The following CFAP70 variants were observed in gnomAD, a reference collection of about 807,000 sequenced individuals.
CFAP70 encodes the protein cilia and flagella associated protein 70.
In CFAP70, 81 loss-of-function variants were observed where a neutral mutation model predicts 137.6. The observed-to-expected ratio is 0.59, with a 90% CI of 0.49 to 0.71. The LOEUF (loss-of-function observed/expected upper bound fraction) is 0.71. Ranked by LOEUF, CFAP70 falls within the 30% of genes least tolerant of loss-of-function variation. The probability of loss-of-function intolerance (pLI) is 0.00; values close to 1 mark genes in which losing one functional copy is unlikely to be tolerated. For synonymous variants in CFAP70, 382 were observed against 423.6 expected (o/e 0.90, Z 1.20); for missense variants, 976 against 1,226.7 (o/e 0.80, Z 3.05).
intron 3 of CFAP70, among the ~76,000 whole-genome samples, chr10:73,351,077 A>ATATATATATG (rs2054214600): frequency 1.7e-5 from 1 of 57,616 alleles, no homozygotes; most frequent in Non-Finnish European, 2.7e-5. Context: ...GTGTGTATAT[A>ATATATATATG]TATATATATA....
chr10:73,299,850 A>G (rs1391839781), intron 12 of CFAP70, among the ~76,000 whole-genome samples, 185 bp from the exon 14 acceptor site: 3 of 152,178 alleles, frequency 2.0e-5, no homozygotes, highest in Admixed American at 1.3e-4. Context: ...AGCAAAGTAT[A>G]TGGCTACGGA....
At chr10:73,338,775 G>T (rs964497180) in intron 6 of CFAP70, among the ~76,000 whole-genome samples, 31 of 151,880 alleles carry the variant, frequency 2.0e-4, no homozygotes, top group Non-Finnish European at 4.4e-5. Context: ...TACAGTATTT[G>T]TGGGATGTAA....
chr10:73,355,375 G>A (rs982367556), intron 1 of CFAP70, among the ~76,000 whole-genome samples: 2 of 152,148 alleles, frequency 1.3e-5, no homozygotes, highest in Admixed American at 6.5e-5. Context: ...TATAAGAATC[G>A]AATGCCTGAT....
chr10:73,288,597 C>T (rs2047925586), intron 19 of CFAP70, among the ~76,000 whole-genome samples: 1 of 152,110 alleles, frequency 6.6e-6, no homozygotes, highest in Admixed American at 6.5e-5. Context: ...TATTTCTTCA[C>T]CAAAGAGAGC....
chr10:73,347,131 G>A (rs1227526214), intron 4 of CFAP70: 1 of 152,188 alleles, frequency 6.6e-6, no homozygotes, highest in African/African-American at 2.4e-5. Flanking sequence ...TCAGGATTCT[G>A]GAACTTGAAG....
intron 1 of CFAP70, among the ~76,000 whole-genome samples, chr10:73,358,074 T>C (rs1030736935): frequency 6.6e-6 from 1 of 152,266 alleles, no homozygotes. Flanking sequence ...TTCACATTTA[T>C]TGTGAATATC....
In CFAP70 at chr10:73,348,605, A is replaced by G. The variant is rs2053927694; in HGVS notation, c.251-84T>C. 6.8e-6 allele frequency: 6 copies of G among 883,994 alleles called. No homozygotes were observed. The East Asian group carries it at 1.5e-4, about 22-fold the overall frequency. 54.8% of individuals were successfully genotyped at this position (883,994 alleles called of 1,614,324 possible). ...GCTGCAACAAACAAAGCATTGTCAA[A>G]GATATGTAAGTTAAAAAAAAATAAA... On this transcript the variant is annotated intron_variant, in intron 3 of 26. Coordinates refer to ENST00000310715, the Ensembl canonical transcript of CFAP70.
At chr10:73,299,822 A>G (rs1287778601) in intron 12 of CFAP70, among the ~76,000 whole-genome samples, 157 bp from the exon 14 acceptor site, 2 of 152,070 alleles carry the variant, frequency 1.3e-5, no homozygotes, top group African/African-American at 4.8e-5. Flanking sequence ...CTCATGTAAA[A>G]CCCTAGATGT....
chr10:73,287,569 C>G (rs943375915), intron 19 of CFAP70, among the ~76,000 whole-genome samples: 2 of 152,100 alleles, frequency 1.3e-5, no homozygotes, highest in South Asian at 4.1e-4. Context: ...TTTATGCATG[C>G]ATGGCCTCAA....
intron 16 of CFAP70, among the ~76,000 whole-genome samples, chr10:73,292,666 T>A (rs2048260828): frequency 6.6e-6 from 1 of 152,216 alleles, no homozygotes; most frequent in Non-Finnish European, 1.5e-5. Flanking sequence ...GGTACTCATA[T>A]GAATGCTTAT....
chr10:73,348,508 T>C, exon 4 of CFAP70: 1 of 1,516,350 alleles, frequency 6.6e-7, no homozygotes, highest in African/African-American at 1.4e-5. Context: ...TTGGTAAAAC[T>C]TCAGTCACAG....
Position 73,297,192 on chromosome 10 carries a change from A to C in CFAP70, c.1513-19T>G, listed in dbSNP as rs1459811869. Reference sequence around the variant, plus strand: ...CAGCATGCTGCAAGACACACAGATCACCCATCTGATAATACAGTCCAGCAC... The same window carrying C: ...CAGCATGCTGCAAGACACACAGATCCCCCATCTGATAATACAGTCCAGCAC... On this transcript the variant is annotated intron_variant, in intron 14 of 26. Coordinates refer to ENST00000310715, the Ensembl canonical transcript of CFAP70. 1 of 1,607,456 alleles carries C rather than the reference A, an allele frequency of 6.2e-7. No individual in the cohort carries two copies. The highest frequency in any genetic ancestry group is 1.7e-5 in the Admixed American group (1 of 59,772).
chr10:73,293,275 T>C (rs1362981792), exon 16 of CFAP70: 1 of 1,611,308 alleles, frequency 6.2e-7, no homozygotes, highest in South Asian at 1.1e-5. Context: ...CTTTATAATA[T>C]GCTGCTGCCA....
intron 1 of CFAP70, among the ~76,000 whole-genome samples, chr10:73,356,182 A>G (rs1386568480): frequency 2.6e-5 from 4 of 151,954 alleles, no homozygotes; most frequent in African/African-American, 7.3e-5. Flanking sequence ...TTTTTTGGAA[A>G]AGGTCTTTTA....
intron 12 of CFAP70, among the ~76,000 whole-genome samples, chr10:73,308,628 CAAAAAAA>C (rs201416589): frequency 6.2e-5 from 4 of 64,202 alleles, no homozygotes; most frequent in East Asian, 3.5e-4. Flanking sequence ...AACTCCGTCT[CAAAAAAA>C]AAAAAAAAAA....
At chr10:73,348,647 G>A (rs1370534147) in intron 3 of CFAP70, 126 bp from the exon 4 acceptor site, 2 of 622,684 alleles carry the variant, frequency 3.2e-6, no homozygotes, top group Non-Finnish European at 5.2e-6. Context: ...AGTACAGAAG[G>A]CACCAACATC....
At chr10:73,296,261 C>T (rs1020168349) in intron 15 of CFAP70, 1 of 152,250 alleles carries the variant, frequency 6.6e-6, no homozygotes, top group Non-Finnish European at 1.5e-5. Flanking sequence ...TCATGCTCCA[C>T]TCTCAATTGC....
At chr10:73,281,348 A>ATTT (rs770634015) in intron 19 of CFAP70, among the ~76,000 whole-genome samples, 10,003 of 139,966 alleles carry the variant, frequency 0.071, 568 homozygotes, top group East Asian at 0.31. Context: ...ACACCTGGCT[A>ATTT]TTTTTTTTTT....
chr10:73,350,030 A>G (rs2054065779), intron 3 of CFAP70, among the ~76,000 whole-genome samples: 1 of 152,204 alleles, frequency 6.6e-6, no homozygotes, highest in Non-Finnish European at 1.5e-5. Context: ...TATATTTAAC[A>G]TTTCCCAATT....
Sources: allele counts gnomAD v4.1 joint callset (sites outside exome capture counted in the v4.1 genomes callset), GRCh38; gene constraint gnomAD v4.1.1; transcripts MANE v1.5; gene names NCBI Gene and HGNC (gene_info 2026-07-23, HGNC 2026-07-21).